Variants in SCN7A observed in about 807,000 individuals in gnomAD.
SCN7A encodes the protein sodium channel protein type 7 subunit alpha.
A neutral mutation model predicts 155.2 loss-of-function variants in SCN7A; 138 were observed. The observed-to-expected ratio is 0.89, with a 90% CI of 0.77 to 1.02. The LOEUF is 1.02. Among genes scored for constraint, SCN7A ranks in the 50% least tolerant of loss-of-function variants. The probability of loss-of-function intolerance (pLI) is 0.00; values close to 1 mark genes in which losing one functional copy is unlikely to be tolerated. For synonymous variants in SCN7A, 693 were observed against 649.0 expected (o/e 1.07, Z -1.03); for missense variants, 2,058 against 1,986.6 (o/e 1.04, Z -0.68).
At position 166,463,823 on chromosome 2, in the gene SCN7A, C is replaced by T. The variant is rs374262330; in HGVS notation, c.942-1293G>A. On this transcript the variant is annotated intron_variant, in intron 9 of 25. Coordinates refer to ENST00000643258, the MANE Select transcript of SCN7A (RefSeq NM_002976.4). The stretch of plus-strand genomic sequence containing the variant: ...ATACACTCAGCACTTTGGGAGGCCA[C>T]GGTGGGTGGATCGCTTAAGCCCAAG... Among the ~76,000 whole-genome samples the T allele has an allele frequency of 5.3e-5, 8 of 152,070 alleles. No individual in the cohort carries two copies. The East Asian group carries it at 9.8e-4, about 19-fold the overall frequency.
chr2:166,465,137 T>C (rs948238282), intron 9 of SCN7A, among the ~76,000 whole-genome samples: 4 of 152,164 alleles, frequency 2.6e-5, no homozygotes, highest in African/African-American at 9.7e-5. Flanking sequence ...TCTGGCCTCG[T>C]CTGCTATGTG....
At chr2:166,462,605 C>T (rs965871851) in intron 9 of SCN7A, 75 bp from the exon 10 acceptor site, 6 of 1,415,490 alleles carry the variant, frequency 4.2e-6, no homozygotes, top group South Asian at 3.7e-5. Flanking sequence ...AAATATAGAA[C>T]ATCAGTCCTG....
At chr2:166,472,237 T>C (rs924000488) in intron 6 of SCN7A, 80 bp downstream of exon 6, 56 of 1,396,276 alleles carry the variant, frequency 4.0e-5, no homozygotes, top group Non-Finnish European at 5.0e-5. Flanking sequence ...GCCAAAATCT[T>C]TGCAGACGTC....
At chr2:166,453,641 A>C (rs1702220381) in intron 11 of SCN7A, among the ~76,000 whole-genome samples, 1 of 152,196 alleles carries the variant, frequency 6.6e-6, no homozygotes, top group African/African-American at 2.4e-5. Context: ...AAACTTGGCA[A>C]ACATCATTCA....
At chr2:166,477,379 T>C in intron 3 of SCN7A, 84 bp downstream of exon 3, 4 of 871,276 alleles carry the variant, frequency 4.6e-6, no homozygotes. Context: ...ATTATCTTTT[T>C]GTATCCTATC....
intron 15 of SCN7A, among the ~76,000 whole-genome samples, chr2:166,439,137 C>T (rs1374621321): frequency 6.9e-6 from 1 of 144,490 alleles, no homozygotes; most frequent in African/African-American, 2.6e-5. Flanking sequence ...GTTGTTGTTG[C>T]TTTCCTCAAC....
At position 166,443,493 on chromosome 2, in the gene SCN7A, T is replaced by G; in HGVS notation, c.1800+10A>C. 6.3e-7 allele frequency: 1 copy of G among 1,576,824 alleles called. No individual in the cohort carries two copies. ...GATCAAATAAAAGTTAGGTATTGGA[T>G]TCTACTTACCATCCTGAATAATCGA... On this transcript the variant is annotated intron_variant, in intron 14 of 25. Coordinates refer to ENST00000643258, the MANE Select transcript of SCN7A (RefSeq NM_002976.4).
Position 166,416,990 on chromosome 2 carries a change from T to C in SCN7A, c.3136-5A>G, listed in dbSNP as rs200275305. ...GATCAAAGCTCTCACAACCACCTGG[T>C]ATATATAAAAAATGTAAACTTTAGA... On this transcript the variant is annotated splice_region_variant and splice_polypyrimidine_tract_variant and intron_variant, in intron 20 of 25. Coordinates refer to ENST00000643258, the MANE Select transcript of SCN7A (RefSeq NM_002976.4). 4.7e-5 allele frequency: 73 copies of C among 1,557,372 alleles called. No homozygotes were observed. In the African/African-American group the frequency reaches 9.1e-4, roughly 19 times the overall value.
intron 21 of SCN7A, 148 bp downstream of exon 21, chr2:166,416,559 G>A (rs1002979443): frequency 1.6e-5 from 11 of 683,808 alleles, no homozygotes; most frequent in Non-Finnish European, 1.9e-5. Flanking sequence ...GGGTTCCCCC[G>A]ATAGTTGTAT....
Position 166,421,210 on chromosome 2 carries a change from A to G in SCN7A, c.3115T>C (p.Ser1039Pro). 6.5e-7 allele frequency: 1 copy of G among 1,529,676 alleles called. No homozygotes were observed. 94.8% of individuals were successfully genotyped at this position (1,529,676 alleles called of 1,614,324 possible). A position where few individuals can be genotyped will look rare whatever the true frequency, so the allele number is the denominator to read the frequency against. The change falls in exon 20 of 26, where the codon TCT becomes CCT. Residue 1039 changes from serine to proline, a missense_variant. Transcript: ENST00000643258. ...MKFLRPLRVL[S>P]QFERMKVVVR... ...CTTACCTTCATTCTTTCAAATTGAG[A>G]TAGAACTCTGAGGGGCCGAAGGAAT...
intron 8 of SCN7A, 65 bp downstream of exon 8, chr2:166,465,716 G>A (rs1029520139): frequency 1.9e-5 from 29 of 1,524,382 alleles, no homozygotes; most frequent in Non-Finnish European, 2.5e-5. Flanking sequence ...CAACATTTCT[G>A]GGAAGACTGC....
intron 15 of SCN7A, 148 bp from the exon 16 acceptor site, chr2:166,432,900 T>TA: frequency 3.3e-6 from 2 of 599,638 alleles, no homozygotes; most frequent in Non-Finnish European, 5.6e-6. Context: ...TTAATAACTG[T>TA]AGTCACCATG....
chr2:166,488,596 G>A (rs894371209), intron 1 of SCN7A, among the ~76,000 whole-genome samples: 1 of 151,426 alleles, frequency 6.6e-6, no homozygotes, highest in Non-Finnish European at 1.5e-5. Flanking sequence ...ATATAACTTA[G>A]TGCAGTTTTT....
chr2:166,447,543 A>T (rs1271055123), intron 12 of SCN7A, 69 bp downstream of exon 12: 2 of 1,016,838 alleles, frequency 2.0e-6, no homozygotes, highest in East Asian at 5.1e-5. Flanking sequence ...GAAATTGCTG[A>T]ATTTCTTTAA....
At chr2:166,487,620 G>A (rs1446961176) in intron 1 of SCN7A, among the ~76,000 whole-genome samples, 1 of 152,168 alleles carries the variant, frequency 6.6e-6, no homozygotes, top group Non-Finnish European at 1.5e-5. Flanking sequence ...CTGAGAAACT[G>A]GAGTTGATCC....
chr2:166,415,804 C>T (rs949945594), intron 21 of SCN7A, among the ~76,000 whole-genome samples: 39 of 151,946 alleles, frequency 2.6e-4, no homozygotes, highest in Admixed American at 2.0e-3. Context: ...TGTGTTTGAA[C>T]AATATGAAAT....
intron 7 of SCN7A, among the ~76,000 whole-genome samples, chr2:166,467,884 A>C (rs1372543277): frequency 1.3e-5 from 2 of 151,888 alleles, no homozygotes; most frequent in African/African-American, 2.4e-5. Flanking sequence ...TTACACTGGA[A>C]TATACCTTTA....
Position 166,405,815 on chromosome 2 carries a change from A to G in SCN7A, c.4814T>C (p.Leu1605Ser). The change falls in exon 26 of 26, where the codon TTA becomes TCA. Residue 1605 changes from leucine (L) to serine (S), a missense_variant. Leu to Ser is a moderately radical substitution (Grantham distance 145). Coordinates refer to ENST00000643258, the MANE Select transcript of SCN7A (RefSeq NM_002976.4). ...VVSEIESGFLLANPFKITCEP... is the reference protein window; with the variant it reads ...VVSEIESGFLSANPFKITCEP... ...ACATGTGATCTTAAAAGGGTTGGCT[A>G]ACAAAAACCCTGATTCTATTTCTGA... 6 of 1,613,064 alleles carry G rather than the reference A, an allele frequency of 3.7e-6. No homozygotes were observed. The highest frequency in any genetic ancestry group is 5.1e-6 in the Non-Finnish European group (6 of 1,179,354).
In SCN7A at chr2:166,470,636, T is replaced by C; in HGVS notation, c.643A>G (p.Lys215Glu). Reference sequence around the variant, plus strand: ...TTACCTTGATTTAAAGGAATAATTTTTAAAATTCTCAAAGTTCTTGCAGTT... The same window carrying C: ...TTACCTTGATTTAAAGGAATAATTTCTAAAATTCTCAAAGTTCTTGCAGTT... ...LQTARTLRILKIIPLNQGLKS... is the reference protein window; with the variant it reads ...LQTARTLRILEIIPLNQGLKS... Residue 215 changes from lysine (K) to glutamate (E), a missense_variant, in exon 7 of 26, where the codon AAA becomes GAA. Physicochemically the swap from Lys to Glu is moderately conservative, Grantham distance 56. Coordinates refer to ENST00000643258, the MANE Select transcript of SCN7A (RefSeq NM_002976.4). The C allele has an allele frequency of 6.2e-7, 1 of 1,607,326 alleles. No homozygotes were observed. Among genetic ancestry groups the C allele is most frequent in the Non-Finnish European group, 8.5e-7 (1 of 1,176,036 alleles).
Sources: gnomAD v4.1 joint callset for allele counts (sites outside exome capture counted in the v4.1 genomes callset) on GRCh38, gnomAD v4.1.1 for gene constraint, MANE v1.5 for transcripts, NCBI Gene and HGNC (gene_info 2026-07-23, HGNC 2026-07-21) for gene names.